The following DACH1 variants were observed in gnomAD, a reference collection of about 807,000 sequenced individuals.
DACH1 encodes the protein dachshund family transcription factor 1.
Under a neutral mutation model 54.2 loss-of-function variants are expected in DACH1, and 12 were observed. The ratio of observed to expected loss-of-function variants is 0.22; its 90% CI spans 0.14 to 0.36. DACH1 has a LOEUF of 0.36. DACH1 is among the 10% of genes least tolerant of loss of function. The pLI is 1.00. For synonymous variants in DACH1, 386 were observed against 366.2 expected, an observed-to-expected ratio of 1.05 and a Z score of -0.62; for missense variants, 805 against 929.8, an observed-to-expected ratio of 0.87 and a Z score of 1.75.
In DACH1 at chr13:71,451,778, G is replaced by A. The variant is rs559609362; in HGVS notation, c.2084-11086C>T. Among the ~76,000 whole-genome samples the A allele has an allele frequency of 3.3e-5, 5 of 152,252 alleles. No homozygotes were observed. In the South Asian group the frequency reaches 1.0e-3, roughly 32 times the overall value. On this transcript the variant is annotated intron_variant, in intron 10 of 10. Coordinates refer to ENST00000613252, the MANE Select transcript of DACH1 (RefSeq NM_080759.6). ...ATGAAGGGAAACAAATGCTATAAAG[G>A]ACATTATTGGGTCAAATGACAAAAT... is the stretch of plus-strand genomic sequence containing the variant.
intron 1 of DACH1, among the ~76,000 whole-genome samples, chr13:71,698,957 A>G (rs1163634354): frequency 6.6e-6 from 1 of 152,202 alleles, no homozygotes; most frequent in Non-Finnish European, 1.5e-5. Context: ...AGGGAAAACT[A>G]AAACATTTAA....
chr13:71,797,517 C>T (rs997575058), intron 1 of DACH1, among the ~76,000 whole-genome samples: 7 of 151,942 alleles, frequency 4.6e-5, no homozygotes, highest in South Asian at 4.2e-4. Flanking sequence ...ATGTTTTTGC[C>T]GAACAAAACC....
At chr13:71,568,001 C>A (rs962422990) in intron 4 of DACH1, among the ~76,000 whole-genome samples, 2 of 151,888 alleles carry the variant, frequency 1.3e-5, no homozygotes, top group Non-Finnish European at 2.9e-5. Context: ...TCTCCAATGA[C>A]AAGAGAAATT....
intron 10 of DACH1, among the ~76,000 whole-genome samples, chr13:71,468,069 T>C (rs1241689025): frequency 6.6e-6 from 1 of 152,288 alleles, no homozygotes; most frequent in East Asian, 1.9e-4. Context: ...AAAACGTGGT[T>C]AGGTAACATT....
chr13:71,575,751 C>T (rs904863264), intron 3 of DACH1, among the ~76,000 whole-genome samples: 2 of 152,004 alleles, frequency 1.3e-5, no homozygotes, highest in African/African-American at 4.8e-5. Context: ...TAGATTTTCT[C>T]ACTACATAGA....
Position 71,734,192 on chromosome 13 carries a change from CGTATA to C in DACH1, c.849-52287_849-52283del, listed in dbSNP as rs1197251568. Among the ~76,000 whole-genome samples, 82 of 27,542 alleles carry C rather than the reference CGTATA, an allele frequency of 3.0e-3. 1 individual carries two copies. The highest frequency in any genetic ancestry group is 5.8e-3 in the Admixed American group (21 of 3,644). The allele number at this position is 27,542 out of a possible 152,430, so 18.1% of individuals were successfully genotyped here. A position where few individuals can be genotyped will look rare whatever the true frequency, so the allele number is the denominator to read the frequency against. On this transcript the variant is annotated intron_variant, in intron 1 of 10. Transcript: ENST00000613252. ...CCCATATATATGTATATCCCATATA[CGTATA>C]CCCATATATATGTATATCCCATATA...
At chr13:71,628,348 A>T (rs369600986) in intron 3 of DACH1, among the ~76,000 whole-genome samples, 39 of 152,226 alleles carry the variant, frequency 2.6e-4, no homozygotes, top group African/African-American at 9.1e-4. Flanking sequence ...GAAGGATATT[A>T]TAAATTGGAA....
intron 1 of DACH1, among the ~76,000 whole-genome samples, chr13:71,819,766 GA>G (rs1258378673): frequency 1.3e-5 from 2 of 151,970 alleles, no homozygotes; most frequent in Non-Finnish European, 2.9e-5. Context: ...ATCCACTAGT[GA>G]AAAAACAAAG....
At position 71,485,011 on chromosome 13, in the gene DACH1, G is replaced by A. The variant is rs552324988; in HGVS notation, c.1722+3986C>T. ...GCGGAAGTTGCAGTGAGCCCAGATG[G>A]TGCCACTGCACTGCAGCCTGGGCGA... On this transcript the variant is annotated intron_variant, in intron 7 of 10. Coordinates refer to ENST00000613252, the MANE Select transcript of DACH1 (RefSeq NM_080759.6). Among the ~76,000 whole-genome samples, 4 of 151,978 alleles carry A rather than the reference G, an allele frequency of 2.6e-5. No homozygotes were observed. In the South Asian group the frequency reaches 8.3e-4, roughly 32 times the overall value.
chr13:71,764,307 C>G (rs553241015), intron 1 of DACH1, among the ~76,000 whole-genome samples: 1 of 152,040 alleles, frequency 6.6e-6, no homozygotes, highest in South Asian at 2.1e-4. Context: ...AGCTGAGACA[C>G]GAGGATTACT....
chr13:71,748,001 G>A (rs935644347), intron 1 of DACH1, among the ~76,000 whole-genome samples: 1 of 152,130 alleles, frequency 6.6e-6, no homozygotes, highest in African/African-American at 2.4e-5. Flanking sequence ...AAAGCAATAT[G>A]GAGAGACCTT....
chr13:71,862,709 C>A (rs565597571), intron 1 of DACH1, among the ~76,000 whole-genome samples: 1 of 151,956 alleles, frequency 6.6e-6, no homozygotes, highest in African/African-American at 2.4e-5. Context: ...TAAAACCACT[C>A]GAAGGTTTGC....
At chr13:71,771,389 T>G (rs1484204439) in intron 1 of DACH1, among the ~76,000 whole-genome samples, 2 of 151,404 alleles carry the variant, frequency 1.3e-5, no homozygotes, top group Non-Finnish European at 3.0e-5. Flanking sequence ...GACAGATTTC[T>G]TCTAAGCTGA....
At chr13:71,717,046 C>T (rs1009173455) in intron 1 of DACH1, among the ~76,000 whole-genome samples, 2 of 151,912 alleles carry the variant, frequency 1.3e-5, no homozygotes, top group Non-Finnish European at 2.9e-5. Context: ...AAATTTCCAT[C>T]CCTCATTAAA....
intron 1 of DACH1, among the ~76,000 whole-genome samples, chr13:71,710,744 C>G (rs1440278197): frequency 6.6e-6 from 1 of 152,072 alleles, no homozygotes; most frequent in Admixed American, 6.6e-5. Context: ...CCTTTCTTCC[C>G]TCTTTACTAA....
chr13:71,448,127 A>AACTT (rs1261975796), intron 10 of DACH1, among the ~76,000 whole-genome samples: 2 of 152,174 alleles, frequency 1.3e-5, no homozygotes, highest in African/African-American at 4.8e-5. Context: ...ATTTGTTCAA[A>AACTT]ACTTATATCC....
At chr13:71,529,183 G>GTTTTTTTTTTGTTTGTTTTTTT (rs1299574030) in intron 6 of DACH1, among the ~76,000 whole-genome samples, 1 of 80,980 alleles carries the variant, frequency 1.2e-5, no homozygotes, top group African/African-American at 4.4e-5. Context: ...TGTGATTTGG[G>GTTTTTTTTTTGTTTGTTTTTTT]TTTTTTTTTT....
intron 1 of DACH1, among the ~76,000 whole-genome samples, chr13:71,708,970 A>G (rs930082201): frequency 7.5e-4 from 111 of 148,944 alleles, no homozygotes; most frequent in African/African-American, 2.2e-3. Context: ...CTCCTGCCTC[A>G]GCCTCCCGAG....
chr13:71,794,432 C>A (rs1196910215), intron 1 of DACH1, among the ~76,000 whole-genome samples: 1 of 152,088 alleles, frequency 6.6e-6, no homozygotes, highest in Admixed American at 6.6e-5. Context: ...TAATAATGAG[C>A]AACCATTTTA....
Sources: gnomAD v4.1 joint callset for allele counts (sites outside exome capture counted in the v4.1 genomes callset) on GRCh38, gnomAD v4.1.1 for gene constraint, MANE v1.5 for transcripts, NCBI Gene and HGNC (gene_info 2026-07-23, HGNC 2026-07-21) for gene names.